Variants in VWA5B2 observed in about 807,000 individuals in gnomAD.
VWA5B2 encodes von Willebrand factor A domain containing 5B2, also known as von Willebrand factor A domain-containing protein 5B2.
A neutral mutation model predicts 118.5 loss-of-function variants in VWA5B2; 93 were observed. The observed-to-expected ratio is 0.79, with a 90% CI of 0.66 to 0.93. The LOEUF is 0.93. Ranked by LOEUF, VWA5B2 falls within the 40% of genes least tolerant of loss-of-function variation. The pLI, the probability that VWA5B2 is intolerant of heterozygous loss-of-function variation, is 0.00. For synonymous variants in VWA5B2, 708 were observed against 716.3 expected, an observed-to-expected ratio of 0.99 and a Z score of 0.19; for missense variants, 1,546 against 1,672.8, an observed-to-expected ratio of 0.92 and a Z score of 1.32.
Position 184,238,026 on chromosome 3 carries a change from A to T in VWA5B2, c.1720-277A>T, listed in dbSNP as rs776088506. ...TGAAAAGCTTTATCTCTTTAGAAGA[A>T]CTCTGCACGCTTCCTCCTTTTTGAT... On this transcript the variant is annotated intron_variant, in intron 12 of 19. Transcript: ENST00000691901. The surrounding 1 kb of genome is among the most constrained non-coding windows in gnomAD (Gnocchi z 5.0). Among the ~76,000 whole-genome samples the T allele has an allele frequency of 2.6e-5, 4 of 151,912 alleles. No homozygotes were observed. The highest frequency in any genetic ancestry group is 4.4e-5 in the Non-Finnish European group (3 of 67,998).
At chr3:184,234,517 A>G (rs764242153) in intron 6 of VWA5B2, 114 bp from the exon 7 acceptor site, 1 of 1,524,896 alleles carries the variant, frequency 6.6e-7, no homozygotes, top group Non-Finnish European at 8.8e-7. Flanking sequence ...CTGTGAGGGC[A>G]GAGCCTGTGG....
In VWA5B2 at chr3:184,242,232, C is replaced by A. The variant is rs1223220490; in HGVS notation, c.*194C>A. 2 of 760,738 alleles carry A rather than the reference C, an allele frequency of 2.6e-6. No homozygotes were observed. Among genetic ancestry groups the A allele is most frequent in the Non-Finnish European group, 4.3e-6 (2 of 465,910 alleles). 47.1% of individuals were successfully genotyped at this position (760,738 alleles called of 1,614,324 possible). A position where few individuals can be genotyped will look rare whatever the true frequency, so the allele number is the denominator to read the frequency against. On this transcript the variant is annotated 3_prime_UTR_variant, in exon 20 of 20. Coordinates refer to ENST00000691901, the MANE Select transcript of VWA5B2 (RefSeq NM_001390846.1). ...GTGCTCTCTCCCTCTCCTCCCACCC[C>A]ACTCACACTCCCCTCCATCCTCTGA...
chr3:184,239,254 A>G lies in VWA5B2; in HGVS notation c.2203-140A>G. The G allele has an allele frequency of 1.1e-6, 1 of 901,016 alleles. No individual in the cohort carries two copies. The highest frequency in any genetic ancestry group is 2.1e-5 in the South Asian group (1 of 46,696). 55.8% of individuals were successfully genotyped at this position (901,016 alleles called of 1,614,324 possible). Reference sequence around the variant, plus strand: ...AAGGCCAGAGGTCACTGTAGGCCATAAGGAACTTGGCCTTCCTCCTCAAGC... The same window carrying G: ...AAGGCCAGAGGTCACTGTAGGCCATGAGGAACTTGGCCTTCCTCCTCAAGC... On this transcript the variant is annotated intron_variant, in intron 14 of 19. Transcript: ENST00000691901. This position sits in a 1 kb window ranked among gnomAD's most constrained non-coding sequence, Gnocchi z 5.1.
In VWA5B2 at chr3:184,236,444, G is replaced by A. The variant is rs1577090527; in HGVS notation, c.1314G>A (p.Gln438=). 3 of 1,546,720 alleles carry A rather than the reference G, an allele frequency of 1.9e-6. No homozygotes were observed. The highest frequency in any genetic ancestry group is 2.6e-6 in the Non-Finnish European group (3 of 1,146,928). Reference sequence around the variant, plus strand: ...TGGACTGGGCCGTGGGGCAGCCCCAGCACAGGGCCTACCCTCGGCAGCTGT... The same window carrying A: ...TGGACTGGGCCGTGGGGCAGCCCCAACACAGGGCCTACCCTCGGCAGCTGT... ...AALDWAVGQP[Q]HRAYPRQLFL... Residue 438 remains glutamine (Q), a synonymous_variant, in exon 10 of 20, where the codon CAG becomes CAA. Transcript: ENST00000691901.
rs1005821921 is a variant in VWA5B2, at chr3:184,240,827, C to T, written c.2777C>T (p.Thr926Ile). 1 of 1,551,676 alleles carries T rather than the reference C, an allele frequency of 6.4e-7. No individual in the cohort carries two copies. The highest frequency in any genetic ancestry group is 2.4e-5 in the East Asian group (1 of 40,930). Residue 926 changes from threonine (T) to isoleucine (I), a missense_variant, in exon 17 of 20, where the codon ACA becomes ATA. Around this residue, in one of 3 missense-constraint regions of VWA5B2, gnomAD observed 763 missense variants for 766.6 expected, o/e 1.00. Transcript: ENST00000691901. ...ARRCWLRALQ[T>I]SKVSSAPSCF... ...AGGTGCTGGCTTCGAGCCCTTCAGA[C>T]AAGTAAGGTCAGCTCTGCCCCCTCC...
chr3:184,238,774 G>A lies in VWA5B2; in HGVS notation c.2103G>A (p.Leu701=). Reference sequence around the variant, plus strand: ...GCTCCCCCGAAGGTAGTGCTCCCTTGGAGCCCCCTTCTCAGCAGGGCTGCC... The same window carrying A: ...GCTCCCCCGAAGGTAGTGCTCCCTTAGAGCCCCCTTCTCAGCAGGGCTGCC... The part of the protein sequence containing the change: ...GPGSPEGSAP[L]EPPSQQGCRS... Residue 701 remains leucine, a synonymous_variant, in exon 14 of 20, where the codon TTG becomes TTA. Coordinates refer to ENST00000691901, the MANE Select transcript of VWA5B2 (RefSeq NM_001390846.1). This position sits in a 1 kb window ranked among gnomAD's most constrained non-coding sequence, Gnocchi z 5.0. 6.5e-7 allele frequency: 1 copy of A among 1,549,804 alleles called. No homozygotes were observed.
At chr3:184,240,634 A>G in intron 16 of VWA5B2, 157 bp from the exon 17 acceptor site, 20 of 1,010,772 alleles carry the variant, frequency 2.0e-5, no homozygotes, top group Non-Finnish European at 2.7e-5. Flanking sequence ...TTCTTGTCAA[A>G]GTTGGGGAGT....
chr3:184,231,140 G>A (rs968624216), intron 3 of VWA5B2, among the ~76,000 whole-genome samples: 2 of 152,254 alleles, frequency 1.3e-5, no homozygotes, highest in African/African-American at 4.8e-5. Flanking sequence ...GACACAGCAG[G>A]CAGCACAGGG....
At position 184,233,309 on chromosome 3, in the gene VWA5B2, C is replaced by T. The variant is rs1201372371; in HGVS notation, c.442C>T (p.Leu148=). Reference sequence around the variant, plus strand: ...GCTGCCCTCAAGGCCTGACGGGGTGCTGCATGTGGCCCTGCCCACTGTGCT... The same window carrying T: ...GCTGCCCTCAAGGCCTGACGGGGTGTTGCATGTGGCCCTGCCCACTGTGCT... ...RELPSRPDGV[L]HVALPTVLTP... Residue 148 remains leucine, a synonymous_variant, in exon 4 of 20, where the codon CTG becomes TTG. Coordinates refer to ENST00000691901, the MANE Select transcript of VWA5B2 (RefSeq NM_001390846.1). This position sits in a 1 kb window ranked among gnomAD's most constrained non-coding sequence, Gnocchi z 5.2. 2 of 1,536,850 alleles carry T rather than the reference C, an allele frequency of 1.3e-6. No homozygotes were observed. Among genetic ancestry groups the T allele is most frequent in the Non-Finnish European group, 8.8e-7 (1 of 1,140,168 alleles).
Position 184,241,445 on chromosome 3 carries a change from G to A in VWA5B2, c.3180+41G>A, listed in dbSNP as rs765226530. The A allele has an allele frequency of 1.9e-6, 3 of 1,565,832 alleles. No individual in the cohort carries two copies. Among genetic ancestry groups the A allele is most frequent in the South Asian group, 2.4e-5 (2 of 84,862 alleles). ...GTGGAGGGTGGTGCCGCCGGGGCCG[G>A]GCGCTGTTTCAGCTCGCTTCTCCCC... On this transcript the variant is annotated intron_variant, in intron 19 of 19. Coordinates refer to ENST00000691901, the MANE Select transcript of VWA5B2 (RefSeq NM_001390846.1). This position sits in a 1 kb window ranked among gnomAD's most constrained non-coding sequence, Gnocchi z 5.1.
rs745937483 is a variant in VWA5B2, at chr3:184,240,867, T to C, written c.2817T>C (p.Pro939=). The C allele has an allele frequency of 7.7e-6, 12 of 1,551,568 alleles. No individual in the cohort carries two copies. The highest frequency in any genetic ancestry group is 1.0e-5 in the Non-Finnish European group (12 of 1,146,976). The change falls in exon 17 of 20, where the codon CCT becomes CCC. Residue 939 remains proline, a synonymous_variant. Transcript: ENST00000691901. ...VSSAPSCFTC[P]VAVDATTREV... Reference sequence around the variant, plus strand: ...CTGCCCCCTCCTGCTTCACTTGCCCTGTAGCTGTGGATGCTACTACTAGGG... The same window carrying C: ...CTGCCCCCTCCTGCTTCACTTGCCCCGTAGCTGTGGATGCTACTACTAGGG...
Position 184,233,633 on chromosome 3 carries a change from G to T in VWA5B2, c.588G>T (p.Glu196Asp), listed in dbSNP as rs1429214956. Reference protein sequence around the residue: ...SLQEEGLAWEELAAPRDVFSG... With the variant: ...SLQEEGLAWEDLAAPRDVFSG... ...AGGAGGAAGGGCTGGCCTGGGAGGA[G>T]CTGGCTGCCCCTCGGGACGTGTTCT... Residue 196 changes from glutamate to aspartate, a missense_variant, in exon 5 of 20, where the codon GAG becomes GAT. By Grantham distance (45) the Glu-to-Asp change is conservative. Transcript: ENST00000691901. This position sits in a 1 kb window ranked among gnomAD's most constrained non-coding sequence, Gnocchi z 5.2. The T allele has an allele frequency of 1.9e-6, 3 of 1,551,284 alleles. No individual in the cohort carries two copies. The highest frequency in any genetic ancestry group is 2.6e-6 in the Non-Finnish European group (3 of 1,146,964).
chr3:184,235,192 C>T lies in VWA5B2; in HGVS notation c.985C>T (p.Leu329=). ...LQRRFHKDIL[L]NPVLALSFCP... ...GCGACGCTTCCACAAGGACATCCTGCTGAACCCCGTGCTGGCGCTGAGCTT... is the reference window on the plus strand; with the variant it reads ...GCGACGCTTCCACAAGGACATCCTGTTGAACCCCGTGCTGGCGCTGAGCTT... The change falls in exon 8 of 20, where the codon CTG becomes TTG. Residue 329 remains leucine (L), a synonymous_variant. Transcript: ENST00000691901. 3 of 1,551,742 alleles carry T rather than the reference C, an allele frequency of 1.9e-6. No individual in the cohort carries two copies. The highest frequency in any genetic ancestry group is 2.6e-6 in the Non-Finnish European group (3 of 1,146,988).
Position 184,238,676 on chromosome 3 carries a change from C to T in VWA5B2, c.2005C>T (p.His669Tyr). 2 of 1,551,412 alleles carry T rather than the reference C, an allele frequency of 1.3e-6. No individual in the cohort carries two copies. The change falls in exon 14 of 20, where the codon CAC (histidine) becomes TAC (tyrosine). Residue 669 changes from histidine (H) to tyrosine (Y), a missense_variant. Around this residue, in one of 3 missense-constraint regions of VWA5B2, gnomAD observed 8 missense variants for 23.9 expected, o/e 0.33. Coordinates refer to ENST00000691901, the MANE Select transcript of VWA5B2 (RefSeq NM_001390846.1). This position sits in a 1 kb window ranked among gnomAD's most constrained non-coding sequence, Gnocchi z 5.0. ...SYIREQYVLT[H>Y]CSASPEPGPG... ...CATTCGGGAGCAGTATGTGCTCACCCACTGCTCTGCCAGCCCCGAGCCAGG... is the reference window on the plus strand; with the variant it reads ...CATTCGGGAGCAGTATGTGCTCACCTACTGCTCTGCCAGCCCCGAGCCAGG...
rs1287045594 is a variant in VWA5B2 at position 184,241,615 on chromosome 3, C to T, written c.3306C>T (p.Pro1102=). ...CCGTGCACCGCGCCAGCCTCAGCCC[C>T]ACCTCGGCCTCATTGCCCTGGGCAC... ...PFAVHRASLS[P]TSASLPWALL... is the part of the protein sequence containing the mutation. Residue 1102 remains proline (P), a synonymous_variant, in exon 20 of 20, where the codon CCC becomes CCT. Coordinates refer to ENST00000691901, the MANE Select transcript of VWA5B2 (RefSeq NM_001390846.1). The surrounding 1 kb of genome is among the most constrained non-coding windows in gnomAD (Gnocchi z 5.1). The T allele has an allele frequency of 3.9e-6, 6 of 1,542,950 alleles. No individual in the cohort carries two copies. Among genetic ancestry groups the T allele is most frequent in the Non-Finnish European group, 5.2e-6 (6 of 1,146,552 alleles).
chr3:184,235,789 C>T (rs1486239683), intron 8 of VWA5B2, among the ~76,000 whole-genome samples: 1 of 151,950 alleles, frequency 6.6e-6, no homozygotes, highest in African/African-American at 2.4e-5. Flanking sequence ...CCTCCAGAGT[C>T]CCACACACAG....
chr3:184,241,558 G>A lies in VWA5B2; in HGVS notation c.3249G>A (p.Ser1083=), dbSNP rs1718664268. 7 of 1,549,226 alleles carry A rather than the reference G, an allele frequency of 4.5e-6. No individual in the cohort carries two copies. Among genetic ancestry groups the A allele is most frequent in the Non-Finnish European group, 5.2e-6 (6 of 1,146,770 alleles). ...DAPFCAAVRI[S]QERLCRASPF... ...CCTTCTGCGCCGCTGTGCGCATCTC[G>A]CAGGAGCGCCTCTGCCGTGCCTCGC... The change falls in exon 20 of 20, where the codon TCG becomes TCA. Residue 1083 remains serine (S), a synonymous_variant. Coordinates refer to ENST00000691901, the MANE Select transcript of VWA5B2 (RefSeq NM_001390846.1). This position sits in a 1 kb window ranked among gnomAD's most constrained non-coding sequence, Gnocchi z 5.1.
chr3:184,230,706 G>T, intron 2 of VWA5B2, 39 bp downstream of exon 2: 1 of 1,225,276 alleles, frequency 8.2e-7, no homozygotes, highest in Non-Finnish European at 1.0e-6. Flanking sequence ...CGGGGGGTGC[G>T]CCGGGCAGGG....
Position 184,241,139 on chromosome 3 carries a change from C to T in VWA5B2, c.2962+32C>T. Reference sequence around the variant, plus strand: ...CCCAAAGGTAGGGAAAGGGTAGGGGCACTTGGGCTTAGAGACCGCCCCCTG... The same window carrying T: ...CCCAAAGGTAGGGAAAGGGTAGGGGTACTTGGGCTTAGAGACCGCCCCCTG... On this transcript the variant is annotated intron_variant, in intron 18 of 19. Transcript: ENST00000691901. The surrounding 1 kb of genome is among the most constrained non-coding windows in gnomAD (Gnocchi z 5.1). The T allele has an allele frequency of 6.4e-7, 1 of 1,551,578 alleles. No homozygotes were observed. Among genetic ancestry groups the T allele is most frequent in the Non-Finnish European group, 8.7e-7 (1 of 1,146,932 alleles).
Sources: gnomAD v4.1 joint callset for allele counts (sites outside exome capture counted in the v4.1 genomes callset) on GRCh38, gnomAD v4.1.1 for gene constraint, gnomAD v4.1.1 regional missense constraint, Gnocchi (gnomAD v3.1) non-coding constraint, MANE v1.5 for transcripts, NCBI Gene and HGNC (gene_info 2026-07-23, HGNC 2026-07-21) for gene names.